Variants in BBS9 observed in about 807,000 individuals in gnomAD.
The protein encoded by BBS9 is protein PTHB1.
A neutral mutation model predicts 117.7 loss-of-function variants in BBS9; 89 were observed. The observed-to-expected ratio is 0.76, with a 90% CI of 0.64 to 0.90. BBS9 has a LOEUF of 0.90. Among genes scored for constraint, BBS9 ranks in the 40% least tolerant of loss-of-function variants. The probability of loss-of-function intolerance (pLI) is 0.00; values close to 1 mark genes in which losing one functional copy is unlikely to be tolerated. For missense variants in BBS9, 982 were observed against 1,042.2 expected (o/e 0.94, Z 0.80); for synonymous variants, 379 against 370.9 (o/e 1.02, Z -0.25).
chr7:33,601,511 C>A (rs914108122), intron 21 of BBS9, among the ~76,000 whole-genome samples: 13 of 152,058 alleles, frequency 8.5e-5, no homozygotes, highest in Non-Finnish European at 1.9e-4. Flanking sequence ...AAATTTTTAA[C>A]AAATACATAT....
intron 2 of BBS9, among the ~76,000 whole-genome samples, chr7:33,151,766 G>C (rs112095187): frequency 0.014 from 2,067 of 151,040 alleles, 55 homozygotes; most frequent in African/African-American, 0.048. Context: ...GGCCAGGCTG[G>C]TCTCGAACTC....
intron 9 of BBS9, among the ~76,000 whole-genome samples, chr7:33,327,003 G>A (rs1327216141): frequency 6.6e-6 from 1 of 152,082 alleles, no homozygotes; most frequent in Non-Finnish European, 1.5e-5. Flanking sequence ...GTCTTATTAA[G>A]TCTTTTGCCC....
chr7:33,253,945 T>G (rs1796626190), intron 5 of BBS9, among the ~76,000 whole-genome samples: 1 of 152,190 alleles, frequency 6.6e-6, no homozygotes, highest in South Asian at 2.1e-4. Flanking sequence ...ATTCTACTAC[T>G]AAAGAAAGAA....
At chr7:33,558,899 C>T (rs1298762397) in intron 21 of BBS9, among the ~76,000 whole-genome samples, 1 of 152,134 alleles carries the variant, frequency 6.6e-6, no homozygotes, top group Non-Finnish European at 1.5e-5. Flanking sequence ...TAAAAAGACT[C>T]CTCACTTGTG....
At chr7:33,508,543 A>G (rs1288156590) in intron 20 of BBS9, among the ~76,000 whole-genome samples, 1 of 152,226 alleles carries the variant, frequency 6.6e-6, no homozygotes, top group African/African-American at 2.4e-5. Flanking sequence ...TCATGGGGCT[A>G]CATGTGAATG....
chr7:33,413,073 C>T (rs1389937273), intron 19 of BBS9, among the ~76,000 whole-genome samples: 1 of 152,160 alleles, frequency 6.6e-6, no homozygotes, highest in East Asian at 1.9e-4. Context: ...TTCTGGACTC[C>T]TCTTAGTTAA....
chr7:33,336,528 T>G lies in BBS9; in HGVS notation c.1104T>G (p.Ala368=), dbSNP rs1815390639. 2.5e-6 allele frequency: 4 copies of G among 1,613,494 alleles called. No homozygotes were observed. In the South Asian group the frequency reaches 3.3e-5, roughly 13 times the overall value. The change falls in exon 10 of 23, where the codon GCT becomes GCG. Residue 368 remains alanine, a synonymous_variant. Transcript: ENST00000242067. ...GGACAGATCCTTCTCTGTTCCAAGCTCCAAACGTTCAATCTCGAGAACTAA... is the reference window on the plus strand; with the variant it reads ...GGACAGATCCTTCTCTGTTCCAAGCGCCAAACGTTCAATCTCGAGAACTAA... ...YLGTDPSLFQ[A]PNVQSRELNY...
rs2129008498 is a variant in BBS9, at chr7:33,500,011, T to C, written c.2116-5452T>C. Among the ~76,000 whole-genome samples the C allele has an allele frequency of 2.0e-5, 3 of 152,338 alleles. No individual in the cohort carries two copies. The South Asian group carries it at 6.2e-4, about 32-fold the overall frequency. On this transcript the variant is annotated intron_variant, in intron 19 of 22. Coordinates refer to ENST00000242067, the MANE Select transcript of BBS9 (RefSeq NM_198428.3). Reference sequence around the variant, plus strand: ...AAATGTCTGTTTTCTAAAATCTTCATATTTTTGAGCTATATGGAAAATAAT... The same window carrying C: ...AAATGTCTGTTTTCTAAAATCTTCACATTTTTGAGCTATATGGAAAATAAT...
chr7:33,240,812 G>A (rs770100530), intron 5 of BBS9, among the ~76,000 whole-genome samples: 3 of 151,982 alleles, frequency 2.0e-5, no homozygotes, highest in Non-Finnish European at 2.9e-5. Flanking sequence ...ACCTGTATTA[G>A]TTTTTTGGTT....
At chr7:33,542,141 G>A (rs898128005) in intron 21 of BBS9, among the ~76,000 whole-genome samples, 1 of 151,222 alleles carries the variant, frequency 6.6e-6, no homozygotes, top group Non-Finnish European at 1.5e-5. Context: ...CTGGAGTGCC[G>A]TGGTGCAGTC....
intron 19 of BBS9, among the ~76,000 whole-genome samples, chr7:33,492,788 A>C (rs1166340421): frequency 7.2e-6 from 1 of 139,790 alleles, no homozygotes; most frequent in Non-Finnish European, 1.5e-5. Flanking sequence ...TTTGTATAGC[A>C]CTTATCATCT....
At chr7:33,436,801 G>A (rs1201040891) in intron 19 of BBS9, among the ~76,000 whole-genome samples, 3 of 152,294 alleles carry the variant, frequency 2.0e-5, no homozygotes, top group African/African-American at 7.2e-5. Context: ...ATCCCTAAAT[G>A]TTAGTAAGTG....
At chr7:33,501,217 G>T (rs116707834) in intron 19 of BBS9, among the ~76,000 whole-genome samples, 1,634 of 152,268 alleles carry the variant, frequency 0.011, 31 homozygotes, top group African/African-American at 0.038. Flanking sequence ...ATCTTGATGG[G>T]TGTAGTTTTT....
chr7:33,375,373 T>A (rs1481525778), intron 17 of BBS9, among the ~76,000 whole-genome samples: 1 of 152,080 alleles, frequency 6.6e-6, no homozygotes, highest in African/African-American at 2.4e-5. Context: ...AATAGAAAAA[T>A]TCATTTCTCC....
intron 19 of BBS9, among the ~76,000 whole-genome samples, chr7:33,435,685 C>T (rs912343868): frequency 6.6e-6 from 1 of 151,974 alleles, no homozygotes; most frequent in Non-Finnish European, 1.5e-5. Flanking sequence ...CCAGTTTGCC[C>T]CATTTGCAGG....
chr7:33,226,594 GT>G (rs1391900002), intron 5 of BBS9, among the ~76,000 whole-genome samples: 1 of 152,132 alleles, frequency 6.6e-6, no homozygotes, highest in Non-Finnish European at 1.5e-5. Flanking sequence ...ATACATCCTT[GT>G]TCATTGCAGC....
intron 19 of BBS9, among the ~76,000 whole-genome samples, chr7:33,501,980 G>A (rs996975031): frequency 2.8e-4 from 42 of 151,822 alleles, no homozygotes; most frequent in Non-Finnish European, 4.3e-4. Flanking sequence ...GCACAATCTC[G>A]GCTCACTGCA....
intron 4 of BBS9, among the ~76,000 whole-genome samples, chr7:33,169,143 TCA>T (rs1796136629): frequency 7.0e-6 from 1 of 142,978 alleles, no homozygotes; most frequent in African/African-American, 2.6e-5. Flanking sequence ...CATGAACTCA[TCA>T]TTTTTTATGG....
At chr7:33,457,961 G>A (rs771776023) in intron 19 of BBS9, among the ~76,000 whole-genome samples, 1 of 152,114 alleles carries the variant, frequency 6.6e-6, no homozygotes, top group Non-Finnish European at 1.5e-5. Flanking sequence ...CAAGTGGCAG[G>A]ATCAGGAAAA....
Sources: gnomAD v4.1 joint callset for allele counts (sites outside exome capture counted in the v4.1 genomes callset) on GRCh38, gnomAD v4.1.1 for gene constraint, MANE v1.5 for transcripts, NCBI Gene and HGNC (gene_info 2026-07-23, HGNC 2026-07-21) for gene names.